Variants in CCDC149 observed in about 807,000 individuals in gnomAD.
CCDC149 encodes coiled-coil domain containing 149, also known as coiled-coil domain-containing protein 149.
A neutral mutation model predicts 59.9 loss-of-function variants in CCDC149; 45 were observed. That is an observed-to-expected ratio of 0.75 (90% CI 0.59 to 0.96). The LOEUF is 0.96. CCDC149 is among the 40% of genes least tolerant of loss of function. The pLI, the probability that CCDC149 is intolerant of heterozygous loss-of-function variation, is 0.00. For synonymous variants in CCDC149, 245 were observed against 260.6 expected (o/e 0.94, Z 0.58); for missense variants, 584 against 664.7 (o/e 0.88, Z 1.33).
At chr4:24,825,136 C>T (rs1715641719) in intron 9 of CCDC149, among the ~76,000 whole-genome samples, 1 of 152,122 alleles carries the variant, frequency 6.6e-6, no homozygotes, top group South Asian at 2.1e-4. Flanking sequence ...TTCCTGAGAT[C>T]CAGCTCTGTA....
At chr4:24,874,260 G>GT (rs1233579287) in intron 2 of CCDC149, among the ~76,000 whole-genome samples, 41 of 33,812 alleles carry the variant, frequency 1.2e-3, no homozygotes, top group African/African-American at 3.5e-3. Flanking sequence ...TTTTTTTTTT[G>GT]TTTTGTTTTT....
At chr4:24,902,105 G>T (rs1356637409) in intron 1 of CCDC149, among the ~76,000 whole-genome samples, 1 of 152,206 alleles carries the variant, frequency 6.6e-6, no homozygotes, top group Non-Finnish European at 1.5e-5. Context: ...TCAAGGGTTA[G>T]GTTGAAAACT....
chr4:24,887,268 G>C (rs1018393187), intron 1 of CCDC149, among the ~76,000 whole-genome samples: 1 of 141,586 alleles, frequency 7.1e-6, no homozygotes, highest in Non-Finnish European at 1.5e-5. Flanking sequence ...AGGTAGCTGG[G>C]GTGTAGTGGG....
At position 24,823,502 on chromosome 4, in the gene CCDC149, A is replaced by AT. The variant is rs1405948068; in HGVS notation, c.966-930dup. Among the ~76,000 whole-genome samples the AT allele has an allele frequency of 5.9e-5, 9 of 152,088 alleles. 1 individual carries two copies. Among genetic ancestry groups the AT allele is most frequent in the Middle Eastern group, 3.4e-3 (1 of 294 alleles). On this transcript the variant is annotated intron_variant, in intron 9 of 12. Transcript: ENST00000635206. ...AACCAGTCTTTATTTTATTTGGGGG[A>AT]TTTTCTTGGCACTGCTGTGCTAAAA...
At chr4:24,854,239 C>T (rs1416818732) in intron 3 of CCDC149, among the ~76,000 whole-genome samples, 1 of 152,220 alleles carries the variant, frequency 6.6e-6, no homozygotes, top group East Asian at 1.9e-4. Flanking sequence ...ACTATTCTTA[C>T]TTTGCTAATG....
intron 9 of CCDC149, among the ~76,000 whole-genome samples, chr4:24,823,778 CTA>C (rs1196834522): frequency 6.6e-6 from 1 of 152,182 alleles, no homozygotes; most frequent in African/African-American, 2.4e-5. Context: ...TGGAATTACT[CTA>C]TGTGGTTTTC....
At chr4:24,916,409 T>C (rs1918328), upstream of CCDC149, among the ~76,000 whole-genome samples, 54,651 of 151,920 alleles carry the variant, frequency 0.36, 10,568 homozygotes, top group African/African-American at 0.51. Flanking sequence ...TCTGGAGAGA[T>C]TGGGAAAGAA....
intron 3 of CCDC149, among the ~76,000 whole-genome samples, chr4:24,869,718 T>C (rs572225794): frequency 6.6e-6 from 1 of 152,340 alleles, no homozygotes; most frequent in Non-Finnish European, 1.5e-5. Context: ...TCTACTTGCA[T>C]TGTCTCATTT....
intron 1 of CCDC149, among the ~76,000 whole-genome samples, chr4:24,938,519 G>T (rs147189644): frequency 6.6e-6 from 1 of 152,194 alleles, no homozygotes; most frequent in East Asian, 1.9e-4. Flanking sequence ...GAGGTACCGG[G>T]TTCATCTCAC....
At chr4:24,851,893 T>C (rs1474427546) in intron 4 of CCDC149, among the ~76,000 whole-genome samples, 1 of 152,106 alleles carries the variant, frequency 6.6e-6, no homozygotes, top group Non-Finnish European at 1.5e-5. Flanking sequence ...AATCAGAGCC[T>C]TTCCTGGACA....
chr4:24,900,431 G>A (rs1431681667), intron 1 of CCDC149, among the ~76,000 whole-genome samples: 8 of 152,136 alleles, frequency 5.3e-5, no homozygotes, highest in East Asian at 1.9e-4. Context: ...TTCCCTAAAT[G>A]AGGATGTGAG....
intron 1 of CCDC149, among the ~76,000 whole-genome samples, chr4:24,959,459 T>C (rs1265994294): frequency 6.6e-6 from 1 of 151,978 alleles, no homozygotes; most frequent in East Asian, 1.9e-4. Flanking sequence ...ACCAACCTAG[T>C]TGGAGTTCCC....
At chr4:24,929,802 A>AT (rs1464399161) in intron 1 of CCDC149, among the ~76,000 whole-genome samples, 1 of 151,856 alleles carries the variant, frequency 6.6e-6, no homozygotes, top group Non-Finnish European at 1.5e-5. Context: ...AGCTCTTGTC[A>AT]TTTTCTGCTT....
At chr4:24,856,203 A>G (rs1447691900) in intron 3 of CCDC149, among the ~76,000 whole-genome samples, 1 of 152,028 alleles carries the variant, frequency 6.6e-6, no homozygotes, top group Non-Finnish European at 1.5e-5. Context: ...CTGCCCCTTT[A>G]TTGTTGATTA....
chr4:24,825,816 G>A (rs1231761135), intron 9 of CCDC149, among the ~76,000 whole-genome samples: 4 of 151,764 alleles, frequency 2.6e-5, no homozygotes, highest in African/African-American at 9.7e-5. Flanking sequence ...CTGTAGAGCA[G>A]AAATGAAGAG....
chr4:24,821,381 C>G (rs1715384740), intron 10 of CCDC149, among the ~76,000 whole-genome samples: 10 of 152,108 alleles, frequency 6.6e-5, no homozygotes, highest in Admixed American at 6.5e-4. Context: ...AAAGGCCTTC[C>G]TAGAAGATGA....
chr4:24,955,757 TAG>T (rs1160996001), intron 1 of CCDC149, among the ~76,000 whole-genome samples: 1 of 152,174 alleles, frequency 6.6e-6, no homozygotes, highest in Non-Finnish European at 1.5e-5. Flanking sequence ...TCAATGGTAA[TAG>T]AGTTTCAGTT....
Position 24,808,623 on chromosome 4 carries a change from T to C in CCDC149, c.1389A>G (p.Lys463=), listed in dbSNP as rs1237962499. ...CTGCAGCTGCCTGTTCCTTTGTCAG[T>C]TTAATTATTTCCCTCCCAAGGCTGT... The change falls in exon 13 of 13, where the codon AAA becomes AAG. Residue 463 remains lysine, a synonymous_variant. Transcript: ENST00000635206. 1 of 1,552,336 alleles carries C rather than the reference T, an allele frequency of 6.4e-7. No homozygotes were observed.
intron 7 of CCDC149, among the ~76,000 whole-genome samples, 177 bp downstream of exon 7, chr4:24,836,255 TTTTG>T (rs1716511905): frequency 6.6e-6 from 1 of 152,114 alleles, no homozygotes; most frequent in Non-Finnish European, 1.5e-5. Context: ...GCTGCTTTGG[TTTTG>T]TTTGTTGTTT....
Sources: allele counts gnomAD v4.1 joint callset (sites outside exome capture counted in the v4.1 genomes callset), GRCh38; gene constraint gnomAD v4.1.1; transcripts MANE v1.5; gene names NCBI Gene and HGNC (gene_info 2026-07-23, HGNC 2026-07-21).